VCL: variants seen among roughly 807,000 people sequenced by gnomAD.
VCL encodes epididymis luminal protein 114.
In VCL, 47 loss-of-function variants were observed where a neutral mutation model predicts 125.7. The ratio of observed to expected loss-of-function variants is 0.37; its 90% CI spans 0.30 to 0.48. The LOEUF is 0.48. Among genes scored for constraint, VCL ranks in the 20% least tolerant of loss-of-function variants. The pLI is 0.99. For synonymous variants in VCL, 458 were observed against 514.6 expected (o/e 0.89, Z 1.49); for missense variants, 1,069 against 1,455.5 (o/e 0.73, Z 4.32).
chr10:74,089,384 A>G (rs1564528049), intron 9 of VCL, 35 bp downstream of exon 9: 1 of 1,611,756 alleles, frequency 6.2e-7, no homozygotes, highest in Admixed American at 1.7e-5. Context: ...GGTGGGAAAT[A>G]TTTCATAAAT....
At chr10:74,069,569 C>A (rs575362274) in intron 2 of VCL, among the ~76,000 whole-genome samples, 3 of 152,080 alleles carry the variant, frequency 2.0e-5, no homozygotes. Flanking sequence ...TCAAAAGAAC[C>A]TGGTGAGATA....
intron 8 of VCL, among the ~76,000 whole-genome samples, chr10:74,087,334 T>C (rs1291065337): frequency 7.1e-6 from 1 of 140,398 alleles, no homozygotes; most frequent in African/African-American, 2.6e-5. Flanking sequence ...TTTTTTTAGG[T>C]TTTTCTTTTT....
At chr10:74,090,274 C>T in intron 10 of VCL, 76 bp downstream of exon 10, 1 of 1,540,258 alleles carries the variant, frequency 6.5e-7, no homozygotes, top group Non-Finnish European at 8.9e-7. Context: ...CCCTTTCTTT[C>T]TTTCTTCCCC....
At chr10:74,099,984 G>A (rs1479205001) in intron 13 of VCL, among the ~76,000 whole-genome samples, 2 of 152,190 alleles carry the variant, frequency 1.3e-5, no homozygotes, top group Admixed American at 1.3e-4. Context: ...AGCCAGAACT[G>A]ATCTCCAAGT....
intron 5 of VCL, 23 bp from the exon 6 acceptor site, chr10:74,074,720 T>C (rs1839554706): frequency 6.2e-7 from 1 of 1,610,688 alleles, no homozygotes; most frequent in Non-Finnish European, 8.5e-7. Flanking sequence ...CCAAGCTTAC[T>C]TTCTGATCTT....
intron 2 of VCL, among the ~76,000 whole-genome samples, chr10:74,066,967 A>G (rs1234074146): frequency 6.6e-6 from 1 of 152,168 alleles, no homozygotes; most frequent in Admixed American, 6.5e-5. Flanking sequence ...TGCACCTGGC[A>G]TAAAATGATT....
At chr10:74,056,498 T>C (rs1168797888) in intron 2 of VCL, among the ~76,000 whole-genome samples, 4 of 151,898 alleles carry the variant, frequency 2.6e-5, no homozygotes, top group Non-Finnish European at 5.9e-5. Context: ...TTTAAGAGAG[T>C]TGGGACAGGG....
chr10:73,998,404 G>C, intron 1 of VCL, 29 bp downstream of exon 1: 2 of 1,410,316 alleles, frequency 1.4e-6, no homozygotes, highest in Non-Finnish European at 1.8e-6. Flanking sequence ...GCGCGGGAGC[G>C]GGCGCGGGAG....
chr10:74,062,695 C>T (rs1841499950), intron 2 of VCL, among the ~76,000 whole-genome samples: 1 of 152,006 alleles, frequency 6.6e-6, no homozygotes, highest in Non-Finnish European at 1.5e-5. Context: ...AGTGATTCTC[C>T]CACTTTAGCC....
At chr10:74,066,590 G>C (rs1474891589) in intron 2 of VCL, among the ~76,000 whole-genome samples, 2 of 151,812 alleles carry the variant, frequency 1.3e-5, no homozygotes, top group Non-Finnish European at 2.9e-5. Context: ...ACAACATTCA[G>C]AGTAATAATT....
chr10:74,048,714 A>C (rs572907676), intron 2 of VCL, among the ~76,000 whole-genome samples: 1 of 152,342 alleles, frequency 6.6e-6, no homozygotes, highest in East Asian at 1.9e-4. Flanking sequence ...CTGTTTATAG[A>C]ATAGTAGTTC....
At chr10:74,057,271 A>G (rs1179577688) in intron 2 of VCL, among the ~76,000 whole-genome samples, 3 of 152,078 alleles carry the variant, frequency 2.0e-5, no homozygotes, top group African/African-American at 4.8e-5. Context: ...AAAAAAAATT[A>G]TATGTATATA....
At chr10:74,072,379 A>C (rs1020067782) in intron 4 of VCL, among the ~76,000 whole-genome samples, 1 of 152,176 alleles carries the variant, frequency 6.6e-6, no homozygotes, top group South Asian at 2.1e-4. Flanking sequence ...CAGAGTTCAG[A>C]GACATGGCAT....
chr10:74,075,113 G>T (rs557505067), intron 6 of VCL: 1 of 613,636 alleles, frequency 1.6e-6, no homozygotes, highest in East Asian at 3.0e-5. Flanking sequence ...AAGTAAATAG[G>T]CATGTGGGGT....
At chr10:74,083,308 T>C in intron 7 of VCL, 58 bp from the exon 8 acceptor site, 7 of 1,605,012 alleles carry the variant, frequency 4.4e-6, no homozygotes, top group Non-Finnish European at 6.0e-6. Context: ...TTGTAAAGTA[T>C]CCTCTCTAAA....
At chr10:74,098,113 C>T (rs964840620) in intron 13 of VCL, among the ~76,000 whole-genome samples, 26 of 152,148 alleles carry the variant, frequency 1.7e-4, no homozygotes, top group Non-Finnish European at 3.5e-4. Context: ...CCACTCTTCC[C>T]CCTCATGCTA....
chr10:74,005,845 A>T (rs1025799602), intron 1 of VCL, among the ~76,000 whole-genome samples: 16 of 151,654 alleles, frequency 1.1e-4, no homozygotes, highest in African/African-American at 3.6e-4. Flanking sequence ...CTGTTTTTTT[A>T]ATTTTTATTT....
Position 74,018,375 on chromosome 10 carries a change from C to T in VCL, c.168+20000C>T, listed in dbSNP as rs530129368. Among the ~76,000 whole-genome samples, 191 of 151,850 alleles carry T rather than the reference C, an allele frequency of 1.3e-3. 2 individuals carry two copies. Among genetic ancestry groups the T allele is most frequent in the African/African-American group, 4.5e-3 (185 of 41,412 alleles). ...GCCCAGCTGGAATGTAAGCTTCTGA[C>T]GGACTTGGGCTAGGACTGTGAACTT... On this transcript the variant is annotated intron_variant, in intron 1 of 21. Transcript: ENST00000211998.
chr10:74,096,732 A>G (rs920399672), intron 12 of VCL, among the ~76,000 whole-genome samples: 1 of 152,258 alleles, frequency 6.6e-6, no homozygotes, highest in African/African-American at 2.4e-5. Context: ...ACCTGGATTA[A>G]AAAATTCCCA....
Sources: gnomAD v4.1 joint callset for allele counts (sites outside exome capture counted in the v4.1 genomes callset) on GRCh38, gnomAD v4.1.1 for gene constraint, MANE v1.5 for transcripts, NCBI Gene and HGNC (gene_info 2026-07-23, HGNC 2026-07-21) for gene names.